Variants in SART3 observed in about 807,000 individuals in gnomAD.
SART3 encodes HIV-1 Tat-interacting protein of 110kDa.
Under a neutral mutation model 122.3 loss-of-function variants are expected in SART3, and 44 were observed. The ratio of observed to expected loss-of-function variants is 0.36; its 90% CI spans 0.28 to 0.46. The LOEUF is 0.46. Among genes scored for constraint, SART3 ranks in the 20% least tolerant of loss-of-function variants. SART3 has a pLI of 1.00. For missense variants in SART3, 1,101 were observed against 1,229.0 expected (o/e 0.90, Z 1.56); for synonymous variants, 442 against 454.0 (o/e 0.97, Z 0.34).
In SART3 at chr12:108,561,057, C is replaced by A. The variant is rs770808661; in HGVS notation, c.98G>T (p.Arg33Met). 6 of 1,614,192 alleles carry A rather than the reference C, an allele frequency of 3.7e-6. No homozygotes were observed. The South Asian group carries it at 6.6e-5, about 18-fold the overall frequency. Reference protein sequence around the residue: ...DGEEDEVKAARTRRKVLSRAV... With the variant: ...DGEEDEVKAAMTRRKVLSRAV... ...CCGCGATAACACCTTCCTCCTTGTC[C>A]TAGCCGCCTTAACCTCATCCTCCTC... Residue 33 changes from arginine (R) to methionine (M), a missense_variant, in exon 1 of 19, where the codon AGG becomes ATG. Physicochemically the swap from Arg to Met is moderately conservative, Grantham distance 91. Transcript: ENST00000546815.
At chr12:108,555,202 A>C (rs1485824975) in intron 1 of SART3, among the ~76,000 whole-genome samples, 2 of 152,226 alleles carry the variant, frequency 1.3e-5, no homozygotes, top group African/African-American at 2.4e-5. Context: ...AGTTTACGTT[A>C]TATGTTTTTT....
intron 1 of SART3, among the ~76,000 whole-genome samples, chr12:108,555,312 A>C (rs1306965972): frequency 1.3e-5 from 2 of 152,264 alleles, no homozygotes; most frequent in Non-Finnish European, 2.9e-5. Context: ...CTAGAAATAC[A>C]TCTAACAAAA....
At chr12:108,555,530 T>C (rs2030183203) in intron 1 of SART3, among the ~76,000 whole-genome samples, 2 of 152,168 alleles carry the variant, frequency 1.3e-5, no homozygotes, top group Admixed American at 1.3e-4. Flanking sequence ...CTGAGTCTGG[T>C]GGCACATGCC....
At position 108,526,161 on chromosome 12, in the gene SART3, C is replaced by T. The variant is rs961309295; in HGVS notation, c.2308G>A (p.Val770Ile). ...GAAACAAACATTGGCCTCCCTTCTA[C>T]ACTTTTCCGGTCCATCTCCAGTGCC... ...LQALEMDRKS[V>I]EGRPMFVSPC... Residue 770 changes from valine (V) to isoleucine (I), a missense_variant, in exon 16 of 19, where the codon GTA (valine) becomes ATA (isoleucine). Physicochemically the swap from Val to Ile is conservative, Grantham distance 29. Coordinates refer to ENST00000546815, the MANE Select transcript of SART3 (RefSeq NM_014706.4). 1.2e-6 allele frequency: 2 copies of T among 1,614,124 alleles called. No homozygotes were observed. Among genetic ancestry groups the T allele is most frequent in the African/African-American group, 1.3e-5 (1 of 74,940 alleles).
Position 108,523,152 on chromosome 12 carries a change from CA to C in SART3, c.*304del. 2.1e-6 allele frequency: 1 copy of C among 479,758 alleles called. No homozygotes were observed. Among genetic ancestry groups the C allele is most frequent in the Non-Finnish European group, 3.8e-6 (1 of 263,110 alleles). The allele number at this position is 479,758 out of a possible 1,614,324, so 29.7% of individuals were successfully genotyped here. On this transcript the variant is annotated 3_prime_UTR_variant, in exon 19 of 19. Transcript: ENST00000546815. ...CAGAAACATTTGGACAACTGTGTCTCAAAAACAGTGTGTTCTCGTTTCGCTT... is the reference window on the plus strand; with the variant it reads ...CAGAAACATTTGGACAACTGTGTCTCAAAACAGTGTGTTCTCGTTTCGCTT...
chr12:108,533,983 A>G, intron 12 of SART3, among the ~76,000 whole-genome samples: 1 of 152,190 alleles, frequency 6.6e-6, no homozygotes, highest in East Asian at 1.9e-4. Flanking sequence ...TAACCTCTTC[A>G]ATGAAAACAA....
intron 13 of SART3, chr12:108,531,722 A>C: frequency 3.8e-6 from 1 of 265,828 alleles, no homozygotes; most frequent in Non-Finnish European, 7.3e-6. Context: ...GGTTCTAGCT[A>C]ACACTGAAGG....
chr12:108,545,064 T>C, intron 4 of SART3, 75 bp downstream of exon 4: 2 of 1,365,134 alleles, frequency 1.5e-6, no homozygotes, highest in South Asian at 2.3e-5. Context: ...CATGGACATG[T>C]GTTTCAAAAT....
chr12:108,558,851 G>A (rs2136700057), intron 1 of SART3, among the ~76,000 whole-genome samples: 1 of 152,110 alleles, frequency 6.6e-6, no homozygotes, highest in South Asian at 2.1e-4. Flanking sequence ...GGCTAAAACG[G>A]TGAAACCCCA....
chr12:108,560,633 C>T, intron 1 of SART3: 1 of 519,042 alleles, frequency 1.9e-6, no homozygotes, highest in Admixed American at 3.7e-5. Context: ...GCTTCCTTCA[C>T]AGGGTCGTGG....
intron 1 of SART3, among the ~76,000 whole-genome samples, chr12:108,552,010 A>C (rs553875153): frequency 6.6e-6 from 1 of 152,342 alleles, no homozygotes; most frequent in Non-Finnish European, 1.5e-5. Flanking sequence ...ACCATGACCA[A>C]GTGGTATTTA....
intron 15 of SART3, among the ~76,000 whole-genome samples, chr12:108,528,842 C>T (rs1872520148): frequency 6.6e-6 from 1 of 152,174 alleles, no homozygotes; most frequent in Admixed American, 6.5e-5. Context: ...CGTGACACAG[C>T]TGGGCACAGT....
chr12:108,553,762 AGAG>A (rs1172134950), intron 1 of SART3, among the ~76,000 whole-genome samples: 5 of 152,240 alleles, frequency 3.3e-5, no homozygotes, highest in Admixed American at 1.3e-4. Flanking sequence ...CCAACCATTC[AGAG>A]AATACAAATA....
intron 1 of SART3, among the ~76,000 whole-genome samples, chr12:108,552,229 C>T (rs1419300558): frequency 6.6e-6 from 1 of 151,960 alleles, no homozygotes; most frequent in African/African-American, 2.4e-5. Context: ...AAATCTATCC[C>T]ATAAGTTGGG....
At chr12:108,553,549 A>G (rs562632023) in intron 1 of SART3, among the ~76,000 whole-genome samples, 3 of 152,196 alleles carry the variant, frequency 2.0e-5, no homozygotes, top group Non-Finnish European at 2.9e-5. Context: ...TTTTAGGAAT[A>G]TTTCCCTCTC....
chr12:108,547,927 G>A lies in SART3; in HGVS notation c.504C>T (p.His168=), dbSNP rs772157915. Reference sequence around the variant, plus strand: ...CGGCTTTCTCAAAGAGGTCATACACGTGCTCTCTGTCCAGGCCATCCTGGG... The same window carrying A: ...CGGCTTTCTCAAAGAGGTCATACACATGCTCTCTGTCCAGGCCATCCTGGG... ...SMAQDGLDRE[H]VYDLFEKAVK... The change falls in exon 3 of 19, where the codon CAC becomes CAT. Residue 168 remains histidine (H), a synonymous_variant. Transcript: ENST00000546815. The A allele has an allele frequency of 1.2e-5, 20 of 1,613,508 alleles. No individual in the cohort carries two copies. Among genetic ancestry groups the A allele is most frequent in the South Asian group, 4.4e-5 (4 of 91,080 alleles).
Position 108,530,206 on chromosome 12 carries a change from G to T in SART3, c.1851C>A (p.Ile617=). ...EKKALKKKKK[I]RGPEKRGADE... ...CTGCTCCGCGCTTCTCTGGGCCTCT[G>T]ATCTTTTTCTTCTTTTTTAACGCTT... Residue 617 remains isoleucine (I), a synonymous_variant, in exon 15 of 19, where the codon ATC becomes ATA. Transcript: ENST00000546815. 1 of 1,614,130 alleles carries T rather than the reference G, an allele frequency of 6.2e-7. No individual in the cohort carries two copies. The highest frequency in any genetic ancestry group is 8.5e-7 in the Non-Finnish European group (1 of 1,180,034).
intron 1 of SART3, among the ~76,000 whole-genome samples, chr12:108,558,727 A>G (rs1023214905): frequency 1.3e-5 from 2 of 152,192 alleles, no homozygotes; most frequent in Non-Finnish European, 2.9e-5. Context: ...AATTAGCTTC[A>G]GCACACTTAT....
intron 1 of SART3, among the ~76,000 whole-genome samples, chr12:108,555,004 T>G (rs916984833): frequency 6.6e-6 from 1 of 152,196 alleles, no homozygotes; most frequent in African/African-American, 2.4e-5. Context: ...TTATATGAAG[T>G]ATCTAGTCAA....
Sources: allele counts gnomAD v4.1 joint callset (sites outside exome capture counted in the v4.1 genomes callset), GRCh38; gene constraint gnomAD v4.1.1; transcripts MANE v1.5; gene names NCBI Gene and HGNC (gene_info 2026-07-23, HGNC 2026-07-21).